The following KCNMB4 variants were observed in gnomAD, a reference collection of about 807,000 sequenced individuals.
KCNMB4 encodes the protein calcium-activated potassium channel subunit beta-4.
Under a neutral mutation model 20.7 loss-of-function variants are expected in KCNMB4, and 3 were observed. That is an observed-to-expected ratio of 0.14 (90% CI 0.07 to 0.37). The LOEUF is 0.37. Ranked by LOEUF, KCNMB4 falls within the 10% of genes least tolerant of loss-of-function variation. KCNMB4 has a pLI of 1.00. For synonymous variants in KCNMB4, 110 were observed against 113.4 expected, an observed-to-expected ratio of 0.97 and a Z score of 0.19; for missense variants, 168 against 265.9, an observed-to-expected ratio of 0.63 and a Z score of 2.56.
intron 1 of KCNMB4, among the ~76,000 whole-genome samples, chr12:70,391,463 C>T (rs1203140318): frequency 1.3e-5 from 2 of 152,142 alleles, no homozygotes; most frequent in African/African-American, 4.8e-5. Context: ...CCAGTACACC[C>T]AGCTAATTAA....
At chr12:70,380,084 C>T (rs955592142) in intron 1 of KCNMB4, among the ~76,000 whole-genome samples, 1 of 152,212 alleles carries the variant, frequency 6.6e-6, no homozygotes, top group African/African-American at 2.4e-5. Context: ...TAAGCTTAGT[C>T]ATTTCTAGTT....
At chr12:70,407,022 G>T (rs1448626568) in intron 2 of KCNMB4, among the ~76,000 whole-genome samples, 1 of 152,050 alleles carries the variant, frequency 6.6e-6, no homozygotes, top group Non-Finnish European at 1.5e-5. Flanking sequence ...TCTGGAGTTG[G>T]CATCAGATCC....
intron 1 of KCNMB4, among the ~76,000 whole-genome samples, chr12:70,385,441 A>G (rs1158593379): frequency 6.6e-6 from 1 of 152,178 alleles, no homozygotes; most frequent in Non-Finnish European, 1.5e-5. Flanking sequence ...TTAATGTCAA[A>G]CACCTTTCCC....
intron 1 of KCNMB4, among the ~76,000 whole-genome samples, chr12:70,376,622 C>G (rs1379797447): frequency 6.6e-6 from 1 of 151,816 alleles, no homozygotes; most frequent in Admixed American, 6.6e-5. Flanking sequence ...AATCCCAGCA[C>G]TTTGGGAGGC....
chr12:70,383,447 C>T (rs572754105), intron 1 of KCNMB4, among the ~76,000 whole-genome samples: 3 of 152,268 alleles, frequency 2.0e-5, no homozygotes, highest in Admixed American at 1.3e-4. Flanking sequence ...TGCATGTCAA[C>T]TTGGAAATAC....
At chr12:70,381,593 T>G (rs1033803054) in intron 1 of KCNMB4, among the ~76,000 whole-genome samples, 1 of 152,056 alleles carries the variant, frequency 6.6e-6, no homozygotes, top group African/African-American at 2.4e-5. Context: ...TTCAAAAATA[T>G]GGTAAGTATA....
chr12:70,429,668 A>T (rs1476248816), intron 2 of KCNMB4, among the ~76,000 whole-genome samples: 1 of 3,886 alleles, frequency 2.6e-4, no homozygotes, highest in African/African-American at 9.8e-4. Flanking sequence ...CTCCATCTCA[A>T]AAAAAAAAAA....
intron 1 of KCNMB4, among the ~76,000 whole-genome samples, chr12:70,385,511 A>G (rs746064289): frequency 6.6e-6 from 1 of 152,216 alleles, no homozygotes; most frequent in Non-Finnish European, 1.5e-5. Flanking sequence ...GAAAATTAAT[A>G]GCACAACTTT....
intron 2 of KCNMB4, among the ~76,000 whole-genome samples, chr12:70,408,135 G>A (rs1842895321): frequency 1.3e-5 from 2 of 152,062 alleles, no homozygotes; most frequent in African/African-American, 2.4e-5. Flanking sequence ...AGCGGGGGTG[G>A]TCTATCACAG....
chr12:70,375,530 C>G (rs1301147473), intron 1 of KCNMB4, among the ~76,000 whole-genome samples: 1 of 151,884 alleles, frequency 6.6e-6, no homozygotes, highest in Non-Finnish European at 1.5e-5. Flanking sequence ...GTAGTCCTAG[C>G]TACTCAGGAG....
At chr12:70,382,143 A>G (rs1265754665) in intron 1 of KCNMB4, among the ~76,000 whole-genome samples, 6 of 152,296 alleles carry the variant, frequency 3.9e-5, no homozygotes, top group African/African-American at 1.4e-4. Context: ...TTTAGTTTTG[A>G]TGGAATAAAA....
intron 1 of KCNMB4, among the ~76,000 whole-genome samples, chr12:70,395,691 T>G (rs1343792858): frequency 2.0e-5 from 3 of 152,240 alleles, no homozygotes; most frequent in Non-Finnish European, 4.4e-5. Flanking sequence ...CTCGGTTCCA[T>G]GAACTTTGTT....
rs570474372 is a variant in KCNMB4 at position 70,432,016 on chromosome 12, A to T, written c.*1363A>T. 2.1e-4 allele frequency: 32 copies of T among 149,308 alleles called. No homozygotes were observed. The highest frequency in any genetic ancestry group is 7.6e-4 in the African/African-American group (31 of 40,524). 9.2% of individuals were successfully genotyped at this position (149,308 alleles called of 1,614,324 possible). ...TTCCTGACCTTTAGTCCACATACCA[A>T]TGTTTTCTTTTTTCTTTTTTTTTTT... On this transcript the variant is annotated 3_prime_UTR_variant, in exon 3 of 3. Transcript: ENST00000258111.
chr12:70,399,800 T>A (rs1868405477), intron 1 of KCNMB4, among the ~76,000 whole-genome samples: 1 of 152,132 alleles, frequency 6.6e-6, no homozygotes, highest in Non-Finnish European at 1.5e-5. Context: ...GTGCTTGAAT[T>A]TATTAGTTAC....
At chr12:70,421,470 G>GAAAAAAA (rs61303899) in intron 2 of KCNMB4, among the ~76,000 whole-genome samples, 3 of 75,670 alleles carry the variant, frequency 4.0e-5, no homozygotes, top group South Asian at 5.4e-4. Context: ...TCTCAAAAAA[G>GAAAAAAA]AAAAAAAAAA....
intron 2 of KCNMB4, among the ~76,000 whole-genome samples, chr12:70,421,574 T>TTTTATTTATTTATTTA (rs200612643): frequency 1.3e-5 from 2 of 149,914 alleles, no homozygotes; most frequent in African/African-American, 4.9e-5. Flanking sequence ...CTCCAAGGGT[T>TTTTATTTATTTATTTA]TTTATTTATT....
At chr12:70,409,903 T>C (rs1434809736) in intron 2 of KCNMB4, among the ~76,000 whole-genome samples, 1 of 152,202 alleles carries the variant, frequency 6.6e-6, no homozygotes, top group Non-Finnish European at 1.5e-5. Context: ...AGGGCTTAGA[T>C]TTCTCTTAAA....
At chr12:70,397,154 G>A (rs941852780) in intron 1 of KCNMB4, among the ~76,000 whole-genome samples, 3 of 152,140 alleles carry the variant, frequency 2.0e-5, no homozygotes, top group South Asian at 2.1e-4. Context: ...AGGAGTTCGA[G>A]ACCAGCCTGG....
intron 1 of KCNMB4, among the ~76,000 whole-genome samples, chr12:70,385,704 C>T (rs1868251364): frequency 6.6e-6 from 1 of 152,170 alleles, no homozygotes; most frequent in Admixed American, 6.6e-5. Flanking sequence ...AGGAAACAAC[C>T]ACAAATACAG....
Sources: gnomAD v4.1 joint callset for allele counts (sites outside exome capture counted in the v4.1 genomes callset) on GRCh38, gnomAD v4.1.1 for gene constraint, MANE v1.5 for transcripts, NCBI Gene and HGNC (gene_info 2026-07-23, HGNC 2026-07-21) for gene names.